The following CKAP2 variants were observed in gnomAD, a reference collection of about 807,000 sequenced individuals.
The protein encoded by CKAP2 is cytoskeleton-associated protein 2.
Under a neutral mutation model 58.4 loss-of-function variants are expected in CKAP2, and 46 were observed. That is an observed-to-expected ratio of 0.79 (90% CI 0.62 to 1.01). The LOEUF (loss-of-function observed/expected upper bound fraction) is 1.01, where lower values mean the gene tolerates loss of function less well. CKAP2 is among the 50% of genes least tolerant of loss of function. The pLI is 0.00. For missense variants in CKAP2, 809 were observed against 796.4 expected (o/e 1.02, Z -0.19); for synonymous variants, 293 against 280.9 (o/e 1.04, Z -0.43).
At chr13:52,469,316 CTGCCT>C (rs1311226630) in intron 7 of CKAP2, among the ~76,000 whole-genome samples, 5 of 152,082 alleles carry the variant, frequency 3.3e-5, no homozygotes, top group African/African-American at 9.7e-5. Flanking sequence ...TAGGCTTTGT[CTGCCT>C]TAAAATGAGG....
At chr13:52,474,259 AC>A (rs1958798806) in intron 8 of CKAP2, among the ~76,000 whole-genome samples, 175 bp downstream of exon 8, 1 of 152,112 alleles carries the variant, frequency 6.6e-6, no homozygotes, top group East Asian at 1.9e-4. Flanking sequence ...GCCGAAGCAG[AC>A]AGATCACTTG....
chr13:52,475,333 A>G lies in CKAP2; in HGVS notation c.*192A>G, dbSNP rs894731330. On this transcript the variant is annotated 3_prime_UTR_variant, in exon 9 of 9. Transcript: ENST00000258607. ...TCCTCTACATTGGAAAGCTAATCCT[A>G]CCTTGTCAGTTTCAACCAACTGAGT... 6 of 654,130 alleles carry G rather than the reference A, an allele frequency of 9.2e-6. No homozygotes were observed. The highest frequency in any genetic ancestry group is 3.1e-5 in the South Asian group (1 of 32,748). The allele number at this position is 654,130 out of a possible 1,614,324, so 40.5% of individuals were successfully genotyped here.
At chr13:52,465,233 CAATT>C in intron 5 of CKAP2, 58 bp from the exon 6 acceptor site, 1 of 1,406,712 alleles carries the variant, frequency 7.1e-7, no homozygotes, top group South Asian at 1.2e-5. Context: ...ATAGTAGGCT[CAATT>C]ATTGTTCCCA....
At chr13:52,456,198 GTCTAGTGCCTCACT>G in intron 1 of CKAP2, 1 of 1,062,370 alleles carries the variant, frequency 9.4e-7, no homozygotes, top group Middle Eastern at 4.3e-4. Flanking sequence ...GAACTTTCGA[GTCTAGTGCCTCACT>G]TCTACCATTT....
At chr13:52,458,017 C>G (rs1027506272) in intron 2 of CKAP2, among the ~76,000 whole-genome samples, 1 of 152,096 alleles carries the variant, frequency 6.6e-6, no homozygotes, top group Non-Finnish European at 1.5e-5. Context: ...ATTTTTGCAA[C>G]TTTGTGTAAG....
chr13:52,475,076 G>C lies in CKAP2; in HGVS notation c.1984G>C (p.Asp662His), dbSNP rs1282692125. ...EQLTELGRET[D>H]AFVCRPNAAL... ...GCTAACGGAGTTGGGAAGAGAAACT[G>C]ATGCTTTTGTATGCCGCCCTAATGC... The change falls in exon 9 of 9, where the codon GAT (aspartate) becomes CAT (histidine). Residue 662 changes from aspartate to histidine, a missense_variant. By Grantham distance (81) the Asp-to-His change is moderately conservative (BLOSUM62 -1). Transcript: ENST00000258607. 4 of 1,614,214 alleles carry C rather than the reference G, an allele frequency of 2.5e-6. No homozygotes were observed. Among genetic ancestry groups the C allele is most frequent in the South Asian group, 1.1e-5 (1 of 91,078 alleles).
At chr13:52,469,454 G>A (rs1958727625) in intron 7 of CKAP2, among the ~76,000 whole-genome samples, 1 of 152,100 alleles carries the variant, frequency 6.6e-6, no homozygotes, top group Non-Finnish European at 1.5e-5. Context: ...AGATTCATTA[G>A]TTGCCAGTCA....
chr13:52,468,157 G>A (rs1958708559), intron 6 of CKAP2, 121 bp from the exon 7 acceptor site: 1 of 614,164 alleles, frequency 1.6e-6, no homozygotes, highest in African/African-American at 1.9e-5. Context: ...GAGAAGCATG[G>A]TTTAAGAGCC....
At chr13:52,460,374 G>C (rs1312889985) in intron 2 of CKAP2, among the ~76,000 whole-genome samples, 1 of 152,162 alleles carries the variant, frequency 6.6e-6, no homozygotes, top group Admixed American at 6.5e-5. Context: ...AGATTATTAA[G>C]TATTTACAAA....
chr13:52,457,697 A>AT (rs1340548919), intron 2 of CKAP2, among the ~76,000 whole-genome samples: 3 of 152,180 alleles, frequency 2.0e-5, no homozygotes, highest in Non-Finnish European at 4.4e-5. Flanking sequence ...TACTAAAAAT[A>AT]CAAAAAATTA....
In CKAP2 at chr13:52,465,479, T is replaced by TC; in HGVS notation, c.1476+14_1476+15insC. ...GCAGGGGCTCAGGTAAGATAAAAAT[T>TC]TACTGATCTTTACAATTACAGTGTA... On this transcript the variant is annotated intron_variant, in intron 6 of 8. Coordinates refer to ENST00000258607, the MANE Select transcript of CKAP2 (RefSeq NM_018204.5). 6.3e-7 allele frequency: 1 copy of TC among 1,596,836 alleles called. No homozygotes were observed. Among genetic ancestry groups the TC allele is most frequent in the Non-Finnish European group, 8.6e-7 (1 of 1,165,956 alleles).
intron 6 of CKAP2, chr13:52,465,928 T>TACACACATATATATAC (rs1397603996): frequency 3.7e-5 from 12 of 322,492 alleles, no homozygotes; most frequent in Middle Eastern, 1.1e-3. Flanking sequence ...CACATATATA[T>TACACACATATATATAC]ACACACATAT....
intron 2 of CKAP2, among the ~76,000 whole-genome samples, chr13:52,460,134 C>T (rs1240086481): frequency 2.0e-5 from 3 of 152,204 alleles, no homozygotes; most frequent in Non-Finnish European, 4.4e-5. Flanking sequence ...GCTGCTATTA[C>T]AGGCATGAGC....
chr13:52,468,882 G>A (rs910619620), intron 7 of CKAP2, among the ~76,000 whole-genome samples: 1 of 152,064 alleles, frequency 6.6e-6, no homozygotes. Flanking sequence ...TATTCCTTTG[G>A]GTATATACCC....
At chr13:52,458,677 AC>A (rs1447144484) in intron 2 of CKAP2, among the ~76,000 whole-genome samples, 22 of 152,156 alleles carry the variant, frequency 1.4e-4, no homozygotes, top group African/African-American at 5.1e-4. Context: ...AGCCTGGCCA[AC>A]ATGGTGAAAC....
Position 52,461,667 on chromosome 13 carries a change from C to T in CKAP2, c.841C>T (p.Arg281Trp), listed in dbSNP as rs200602489. 79 of 1,613,920 alleles carry T rather than the reference C, an allele frequency of 4.9e-5. No homozygotes were observed. The highest frequency in any genetic ancestry group is 6.7e-5 in the Admixed American group (4 of 59,988). The part of the protein sequence containing the change: ...ISRTSANVTI[R>W]KGPHEKELLQ... Reference sequence around the variant, plus strand: ...TAGAACTTCTGCCAATGTTACAATCCGGAAAGGGCCTCATGAAAAAGAACT... The same window carrying T: ...TAGAACTTCTGCCAATGTTACAATCTGGAAAGGGCCTCATGAAAAAGAACT... The change falls in exon 4 of 9, where the codon CGG becomes TGG. Residue 281 changes from arginine (R) to tryptophan (W), a missense_variant. Arg to Trp is a moderately radical substitution (Grantham distance 101). This residue lies in a region of CKAP2 where 523 missense variants were observed against 492.4 expected (regional missense o/e 1.06). Coordinates refer to ENST00000258607, the MANE Select transcript of CKAP2 (RefSeq NM_018204.5).
chr13:52,463,829 A>T (rs749538193), intron 5 of CKAP2, among the ~76,000 whole-genome samples: 4 of 152,068 alleles, frequency 2.6e-5, no homozygotes, highest in Non-Finnish European at 5.9e-5. Context: ...AAGGGACATG[A>T]TTTCTTTTTC....
chr13:52,461,601 C>T lies in CKAP2; in HGVS notation c.775C>T (p.His259Tyr). 1 of 1,614,140 alleles carries T rather than the reference C, an allele frequency of 6.2e-7. No homozygotes were observed. The highest frequency in any genetic ancestry group is 1.7e-5 in the Admixed American group (1 of 60,012). Reference sequence around the variant, plus strand: ...ACTTGTGCGACCTCCTATTAGAAGTCATCACAGTAATACCCGGGACACTGT... The same window carrying T: ...ACTTGTGCGACCTCCTATTAGAAGTTATCACAGTAATACCCGGGACACTGT... Reference protein sequence around the residue: ...TQLVRPPIRSHHSNTRDTVKQ... With the variant: ...TQLVRPPIRSYHSNTRDTVKQ... The change falls in exon 4 of 9, where the codon CAT becomes TAT. Residue 259 changes from histidine to tyrosine, a missense_variant. Coordinates refer to ENST00000258607, the MANE Select transcript of CKAP2 (RefSeq NM_018204.5).
At chr13:52,471,118 A>G (rs954619644) in intron 7 of CKAP2, among the ~76,000 whole-genome samples, 1 of 152,052 alleles carries the variant, frequency 6.6e-6, no homozygotes, top group African/African-American at 2.4e-5. Flanking sequence ...AGATCGCACC[A>G]CTGCACTCCA....
Sources: allele counts gnomAD v4.1 joint callset (sites outside exome capture counted in the v4.1 genomes callset), GRCh38; gene constraint gnomAD v4.1.1; regional missense constraint gnomAD v4.1.1; transcripts MANE v1.5; gene names NCBI Gene and HGNC (gene_info 2026-07-23, HGNC 2026-07-21).